Variants in TNFSF4 observed in about 807,000 individuals in gnomAD.
The protein encoded by TNFSF4 is TNF superfamily member 4.
In TNFSF4, 4 loss-of-function variants were observed where a neutral mutation model predicts 7.3. That is an observed-to-expected ratio of 0.55 (90% CI 0.27 to 1.25). The LOEUF is 1.25. Ranked by LOEUF, TNFSF4 falls within the 50% of genes most tolerant of loss-of-function variation. TNFSF4 has a pLI of 0.12. For missense variants in TNFSF4, 181 were observed against 208.8 expected, an observed-to-expected ratio of 0.87 and a Z score of 0.82; for synonymous variants, 76 against 83.7, an observed-to-expected ratio of 0.91 and a Z score of 0.50.
chr1:173,364,285 AT>A, the TNFSF4 span, among the ~76,000 whole-genome samples: 1 of 149,188 alleles, frequency 6.7e-6, no homozygotes, highest in African/African-American at 2.5e-5. Flanking sequence ...GTTCAAAAAA[AT>A]AAAAAGAAAA....
the TNFSF4 span, among the ~76,000 whole-genome samples, chr1:173,242,779 G>A: frequency 5.3e-5 from 8 of 152,088 alleles, no homozygotes; most frequent in African/African-American, 1.9e-4. Context: ...GTAGAGACTG[G>A]CAAAGGCAGG....
downstream of TNFSF4, among the ~76,000 whole-genome samples, chr1:173,179,628 A>G (rs571356576): frequency 6.6e-6 from 1 of 152,172 alleles, no homozygotes; most frequent in East Asian, 1.9e-4. Flanking sequence ...TGCAAATAAG[A>G]TACAAGTTTT....
chr1:173,261,346 A>G, the TNFSF4 span, among the ~76,000 whole-genome samples: 79 of 152,342 alleles, frequency 5.2e-4, no homozygotes, highest in Middle Eastern at 3.4e-3. Flanking sequence ...AGGGAAATTT[A>G]TAGCACTAAA....
At chr1:173,227,663 G>A in the TNFSF4 span, among the ~76,000 whole-genome samples, 2 of 152,334 alleles carry the variant, frequency 1.3e-5, no homozygotes, top group East Asian at 1.9e-4. Flanking sequence ...GAAGCACAAG[G>A]GGTCAGGGAA....
chr1:173,253,161 T>G, the TNFSF4 span, among the ~76,000 whole-genome samples: 1 of 152,228 alleles, frequency 6.6e-6, no homozygotes, highest in Non-Finnish European at 1.5e-5. Flanking sequence ...TAGGCAACTC[T>G]TCTGCAGTTT....
the TNFSF4 span, among the ~76,000 whole-genome samples, chr1:173,311,345 G>A: frequency 6.6e-6 from 1 of 151,906 alleles, no homozygotes; most frequent in Non-Finnish European, 1.5e-5. Flanking sequence ...AAGTAATATG[G>A]GATTTGCTAA....
the TNFSF4 span, among the ~76,000 whole-genome samples, chr1:173,336,731 A>G: frequency 6.6e-6 from 1 of 152,200 alleles, no homozygotes. Context: ...GTCTGTTGGT[A>G]AGACATTTGC....
At chr1:173,364,951 C>T in the TNFSF4 span, among the ~76,000 whole-genome samples, 5 of 151,904 alleles carry the variant, frequency 3.3e-5, no homozygotes, top group East Asian at 1.9e-4. Context: ...AGTTCAAGAA[C>T]GCTAACAAGC....
At chr1:173,362,532 C>T in the TNFSF4 span, 1 of 539,984 alleles carries the variant, frequency 1.9e-6, no homozygotes, top group Non-Finnish European at 3.7e-6. Context: ...TGGCTTTTGC[C>T]TCCATCCTTC....
At chr1:173,323,014 T>C in the TNFSF4 span, among the ~76,000 whole-genome samples, 1 of 152,202 alleles carries the variant, frequency 6.6e-6, no homozygotes, top group Non-Finnish European at 1.5e-5. Context: ...TAAATGTCCC[T>C]GTCTGACAGG....
chr1:173,311,878 C>A, the TNFSF4 span, among the ~76,000 whole-genome samples: 1 of 152,110 alleles, frequency 6.6e-6, no homozygotes, highest in Admixed American at 6.6e-5. Flanking sequence ...GACACATCCT[C>A]TGATAGCTTT....
At position 173,185,886 on chromosome 1, in the gene TNFSF4, A is replaced by T. The variant is rs1390728092; in HGVS notation, c.*630T>A. On this transcript the variant is annotated 3_prime_UTR_variant, in exon 3 of 3. Coordinates refer to ENST00000281834, the MANE Select transcript of TNFSF4 (RefSeq NM_003326.5). ...GCTGGGAAAGCAAAATGGTAAAGAA[A>T]AAAAGCACGTGGTATTTCTTAGACG... 6.6e-6 allele frequency: 1 copy of T among 152,174 alleles called. No individual in the cohort carries two copies. Among genetic ancestry groups the T allele is most frequent in the Non-Finnish European group, 1.5e-5 (1 of 68,034 alleles). 9.4% of individuals were successfully genotyped at this position (152,174 alleles called of 1,614,324 possible).
the TNFSF4 span, chr1:173,362,761 C>A: frequency 2.5e-6 from 1 of 400,372 alleles, no homozygotes; most frequent in South Asian, 2.2e-5. Context: ...CTTGCTTTGC[C>A]AAAGGAACAC....
downstream of TNFSF4, among the ~76,000 whole-genome samples, chr1:173,182,724 C>T (rs1051755453): frequency 3.3e-5 from 5 of 152,100 alleles, no homozygotes; most frequent in African/African-American, 4.8e-5. Context: ...GGCTGAAAAA[C>T]GGTCTTAGGT....
chr1:173,409,550 G>A, the TNFSF4 span, among the ~76,000 whole-genome samples: 1 of 152,038 alleles, frequency 6.6e-6, no homozygotes, highest in Admixed American at 6.6e-5. Context: ...TTTTCTTTAG[G>A]ATTGAAATTA....
the TNFSF4 span, among the ~76,000 whole-genome samples, chr1:173,366,741 C>G: frequency 1.3e-5 from 2 of 151,728 alleles, no homozygotes; most frequent in African/African-American, 4.8e-5. Flanking sequence ...CTCATGCAAC[C>G]CACAAACATA....
At chr1:173,418,035 C>T in the TNFSF4 span, 1 of 151,800 alleles carries the variant, frequency 6.6e-6, no homozygotes, top group African/African-American at 2.4e-5. Flanking sequence ...CTCTTCTGAG[C>T]TCCCAGAGCA....
chr1:173,363,981 T>C, the TNFSF4 span, among the ~76,000 whole-genome samples: 27 of 152,126 alleles, frequency 1.8e-4, no homozygotes, highest in Non-Finnish European at 2.6e-4. Flanking sequence ...AGCCAACCAT[T>C]TTTTGAAGGA....
chr1:173,404,061 G>A, the TNFSF4 span, among the ~76,000 whole-genome samples: 57 of 152,294 alleles, frequency 3.7e-4, 2 homozygotes, highest in South Asian at 6.2e-4. Context: ...ATTGCAGAGC[G>A]TGGAATGCAG....
Sources: gnomAD v4.1 joint callset for allele counts (sites outside exome capture counted in the v4.1 genomes callset) on GRCh38, gnomAD v4.1.1 for gene constraint, MANE v1.5 for transcripts, NCBI Gene and HGNC (gene_info 2026-07-23, HGNC 2026-07-21) for gene names.